The following LCOR variants were observed in gnomAD, a reference collection of about 807,000 sequenced individuals.
LCOR encodes the protein ligand dependent nuclear receptor corepressor.
LCOR carries 14 observed loss-of-function variants against 64.4 expected under a neutral mutation model. The observed-to-expected ratio is 0.22, with a 90% CI of 0.14 to 0.34. The LOEUF (loss-of-function observed/expected upper bound fraction) is 0.34. Ranked by LOEUF, LCOR falls within the 10% of genes least tolerant of loss-of-function variation. The probability of loss-of-function intolerance (pLI) is 1.00; values close to 1 mark genes in which losing one functional copy is unlikely to be tolerated. For synonymous variants in LCOR, 643 were observed against 642.5 expected, an observed-to-expected ratio of 1.00 and a Z score of -0.01; for missense variants, 1,686 against 1,765.3, an observed-to-expected ratio of 0.96 and a Z score of 0.80.
chr10:96,849,173 A>C lies in LCOR; in HGVS notation c.-330+15694A>C, dbSNP rs1009157228. 3.5e-5 allele frequency among the ~76,000 whole-genome samples: 5 copies of C among 144,734 alleles called. No homozygotes were observed. In the South Asian group the frequency reaches 8.6e-4, roughly 25 times the overall value. 95.0% of individuals were successfully genotyped at this position (144,734 alleles called of 152,430 possible). A position where few individuals can be genotyped will look rare whatever the true frequency, so the allele number is the denominator to read the frequency against. The stretch of plus-strand genomic sequence containing the variant: ...ACTGCAACCTCCGTTTCCTGGCTTC[A>C]AGTGATTCTCCTGCCTCAGCCTCCT... On this transcript the variant is annotated intron_variant, in intron 2 of 7. Transcript: ENST00000421806.
At chr10:96,896,147 G>A (rs929816488) in intron 2 of LCOR, among the ~76,000 whole-genome samples, 1 of 152,078 alleles carries the variant, frequency 6.6e-6, no homozygotes, top group East Asian at 1.9e-4. Flanking sequence ...TCTAAATGCT[G>A]TCTTCGCTGC....
chr10:96,882,511 C>T (rs1180423324), intron 2 of LCOR, among the ~76,000 whole-genome samples: 1 of 152,186 alleles, frequency 6.6e-6, no homozygotes, highest in Non-Finnish European at 1.5e-5. Context: ...TGCTCCCACA[C>T]ATGTACAGCT....
chr10:96,954,160 G>T (rs1238291401), intron 7 of LCOR, among the ~76,000 whole-genome samples: 1 of 152,014 alleles, frequency 6.6e-6, no homozygotes, highest in Non-Finnish European at 1.5e-5. Context: ...GAACTTAAGG[G>T]GTAAATAAAG....
intron 2 of LCOR, among the ~76,000 whole-genome samples, chr10:96,867,134 G>A (rs886669090): frequency 1.3e-5 from 2 of 152,002 alleles, no homozygotes; most frequent in Non-Finnish European, 2.9e-5. Context: ...TTACAGGCAT[G>A]CTCCCCTCAG....
intron 2 of LCOR, among the ~76,000 whole-genome samples, chr10:96,880,743 CTA>C (rs2134418974): frequency 6.6e-6 from 1 of 152,312 alleles, no homozygotes; most frequent in East Asian, 1.9e-4. Flanking sequence ...TAGAGCAACA[CTA>C]TATGATTTAA....
intron 2 of LCOR, among the ~76,000 whole-genome samples, chr10:96,837,823 G>A (rs1420369987): frequency 6.6e-6 from 1 of 152,168 alleles, no homozygotes; most frequent in African/African-American, 2.4e-5. Flanking sequence ...AGTCTAGCTC[G>A]GAAAGCTCAG....
At chr10:96,952,040 CTATT>C (rs1847689109) in intron 6 of LCOR, 59 bp from the exon 7 acceptor site, 1 of 1,157,068 alleles carries the variant, frequency 8.6e-7, no homozygotes, top group Admixed American at 1.8e-5. Flanking sequence ...CATTTTTAGC[CTATT>C]TAGTTTACAT....
intron 2 of LCOR, among the ~76,000 whole-genome samples, chr10:96,869,562 GTTCT>G (rs1346161146): frequency 1.3e-5 from 2 of 149,324 alleles, no homozygotes; most frequent in South Asian, 2.1e-4. Context: ...TCGTTCATTG[GTTCT>G]TTCTTTTTTT....
At chr10:96,938,897 A>G (rs1374694385) in intron 4 of LCOR, among the ~76,000 whole-genome samples, 1 of 152,236 alleles carries the variant, frequency 6.6e-6, no homozygotes, top group Non-Finnish European at 1.5e-5. Context: ...ATGTTCATGG[A>G]TCAGAAGACT....
At chr10:96,844,879 T>C (rs141000673) in intron 2 of LCOR, among the ~76,000 whole-genome samples, 2 of 152,292 alleles carry the variant, frequency 1.3e-5, no homozygotes, top group African/African-American at 4.8e-5. Context: ...TCTATTGATA[T>C]TCTTCCCAGA....
At chr10:96,886,897 G>A (rs1488006931) in intron 2 of LCOR, among the ~76,000 whole-genome samples, 1 of 152,156 alleles carries the variant, frequency 6.6e-6, no homozygotes, top group East Asian at 1.9e-4. Flanking sequence ...GGGACCTAAA[G>A]ATATGCTACA....
At chr10:96,960,546 G>A (rs1174813409) in intron 7 of LCOR, 1 of 152,152 alleles carries the variant, frequency 6.6e-6, no homozygotes. Flanking sequence ...TATGGCAATA[G>A]ACAGAATTGT....
Position 96,957,965 on chromosome 10 carries a change from C to G in LCOR, c.332+5769C>G, listed in dbSNP as rs1490748080. ...TATTTTGTCACCTAGCTGGAAGTTG[C>G]AATAAAAATTCCTTATGAAATATAT... On this transcript the variant is annotated intron_variant, in intron 7 of 7. Coordinates refer to ENST00000421806, the MANE Select transcript of LCOR (RefSeq NM_001346516.2). 3 of 987,596 alleles carry G rather than the reference C, an allele frequency of 3.0e-6. No homozygotes were observed. In the African/African-American group the frequency reaches 5.2e-5, roughly 17 times the overall value. The allele number at this position is 987,596 out of a possible 1,614,324, so 61.2% of individuals were successfully genotyped here. A position where few individuals can be genotyped will look rare whatever the true frequency, so the allele number is the denominator to read the frequency against.
chr10:96,849,217 G>C (rs1845685882), intron 2 of LCOR, among the ~76,000 whole-genome samples: 1 of 151,770 alleles, frequency 6.6e-6, no homozygotes, highest in Non-Finnish European at 1.5e-5. Flanking sequence ...GGGACTTACA[G>C]GTGTGCACCA....
chr10:96,972,018 C>T (rs1454730655), intron 7 of LCOR, among the ~76,000 whole-genome samples: 2 of 151,816 alleles, frequency 1.3e-5, no homozygotes, highest in African/African-American at 2.4e-5. Context: ...CAGCTGTAGC[C>T]TTGAGTGTTT....
chr10:96,955,380 A>C, intron 7 of LCOR: 1 of 1,614,208 alleles, frequency 6.2e-7, no homozygotes, highest in Non-Finnish European at 8.5e-7. Flanking sequence ...TGTAGATTTA[A>C]AGATACCACA....
At chr10:96,894,577 C>G (rs889779500) in intron 2 of LCOR, among the ~76,000 whole-genome samples, 1 of 152,108 alleles carries the variant, frequency 6.6e-6, no homozygotes, top group Non-Finnish European at 1.5e-5. Flanking sequence ...CCTTTTTGAG[C>G]AGGGGAGAAC....
At chr10:96,970,999 C>T (rs1460268793) in intron 7 of LCOR, among the ~76,000 whole-genome samples, 2 of 152,206 alleles carry the variant, frequency 1.3e-5, no homozygotes, top group African/African-American at 4.8e-5. Context: ...TCAAAACTTA[C>T]ATCATCATAC....
At chr10:96,883,434 AAACT>A (rs375142943) in intron 2 of LCOR, among the ~76,000 whole-genome samples, 11 of 152,330 alleles carry the variant, frequency 7.2e-5, no homozygotes, top group African/African-American at 2.4e-4. Context: ...ATTTTGTAAG[AAACT>A]AACAGTCTTC....
Sources: gnomAD v4.1 joint callset for allele counts (sites outside exome capture counted in the v4.1 genomes callset) on GRCh38, gnomAD v4.1.1 for gene constraint, MANE v1.5 for transcripts, NCBI Gene and HGNC (gene_info 2026-07-23, HGNC 2026-07-21) for gene names.